The following RANBP2 variants were observed in gnomAD, a reference collection of about 807,000 sequenced individuals.
RANBP2 encodes the protein RAN binding protein 2, also known as E3 SUMO-protein ligase RanBP2.
RANBP2 carries 57 observed loss-of-function variants against 303.6 expected under a neutral mutation model. The observed-to-expected ratio is 0.19, with a 90% CI of 0.15 to 0.23. The LOEUF is 0.23. Among genes scored for constraint, RANBP2 ranks in the 10% least tolerant of loss-of-function variants. The probability of loss-of-function intolerance (pLI) is 1.00; values close to 1 mark genes in which losing one functional copy is unlikely to be tolerated. For missense variants in RANBP2, 3,138 were observed against 3,780.8 expected (o/e 0.83, Z 4.46); for synonymous variants, 1,167 against 1,301.5 (o/e 0.90, Z 2.23).
At chr2:109,031,936 C>CT in the RANBP2 span, among the ~76,000 whole-genome samples, 1 of 139,766 alleles carries the variant, frequency 7.2e-6, no homozygotes. Context: ...CGTTCACTCT[C>CT]TTTGACCTTT....
At chr2:108,848,971 T>A in the RANBP2 span, among the ~76,000 whole-genome samples, 21 of 152,254 alleles carry the variant, frequency 1.4e-4, no homozygotes, top group African/African-American at 4.8e-4. Flanking sequence ...TATAACTATA[T>A]CCCTGTGTTC....
the RANBP2 span, among the ~76,000 whole-genome samples, chr2:109,587,783 C>T: frequency 2.0e-5 from 3 of 151,772 alleles, no homozygotes; most frequent in Non-Finnish European, 4.4e-5. Context: ...TGTGGTGGCA[C>T]GCACCTGTAG....
At chr2:109,040,030 G>C in the RANBP2 span, among the ~76,000 whole-genome samples, 1 of 152,142 alleles carries the variant, frequency 6.6e-6, no homozygotes. Context: ...TCCTAACCCA[G>C]AAACATAAAG....
At chr2:108,926,271 T>G in the RANBP2 span, among the ~76,000 whole-genome samples, 4 of 152,196 alleles carry the variant, frequency 2.6e-5, no homozygotes, top group Admixed American at 2.0e-4. Context: ...AATTTGCTAC[T>G]TTTTGATCCA....
the RANBP2 span, among the ~76,000 whole-genome samples, chr2:108,865,944 T>C: frequency 1.3e-5 from 2 of 152,102 alleles, no homozygotes; most frequent in South Asian, 2.1e-4. Context: ...TAGAAAACTT[T>C]GGACATTAGA....
the RANBP2 span, among the ~76,000 whole-genome samples, chr2:108,992,150 T>A: frequency 6.6e-6 from 1 of 152,154 alleles, no homozygotes; most frequent in East Asian, 1.9e-4. Context: ...AGAAAGAAAA[T>A]CCTTGATACC....
chr2:109,344,255 G>T, the RANBP2 span, among the ~76,000 whole-genome samples: 1 of 152,220 alleles, frequency 6.6e-6, no homozygotes, highest in African/African-American at 2.4e-5. Flanking sequence ...GTGGCCGATG[G>T]AGTTAGGATG....
At chr2:109,520,608 AAAAAAAAAAAAAAAAAG>A in the RANBP2 span, among the ~76,000 whole-genome samples, 2 of 134,334 alleles carry the variant, frequency 1.5e-5, no homozygotes, top group East Asian at 4.2e-4. Context: ...CAAAAAAAAA[AAAAAAAAAAAAAAAAAG>A]AAAAAAAAGA....
downstream of RANBP2, chr2:108,786,682 T>TCGCCCCGCCCCGCCCCGCCCCGCCC: frequency 1.4e-5 from 10 of 731,784 alleles, no homozygotes; most frequent in African/African-American, 5.5e-5. Flanking sequence ...AGTCTCCGGG[T>TCGCCCCGCCCCGCCCCGCCCCGCCC]CGCCCCGCCC....
the RANBP2 span, among the ~76,000 whole-genome samples, chr2:109,686,681 A>G: frequency 6.6e-6 from 1 of 152,048 alleles, no homozygotes; most frequent in African/African-American, 2.4e-5. Flanking sequence ...ACATGATCTC[A>G]GCTCACAGTA....
chr2:109,163,634 C>T, the RANBP2 span, among the ~76,000 whole-genome samples: 1 of 151,712 alleles, frequency 6.6e-6, no homozygotes, highest in Non-Finnish European at 1.5e-5. Flanking sequence ...CTCCTGACCT[C>T]GTGATCCGCC....
chr2:109,352,162 C>A, the RANBP2 span, among the ~76,000 whole-genome samples: 1 of 152,128 alleles, frequency 6.6e-6, no homozygotes, highest in Non-Finnish European at 1.5e-5. Context: ...CATTTTAAAA[C>A]CCAAGCTCAA....
At chr2:109,294,907 G>A in the RANBP2 span, among the ~76,000 whole-genome samples, 2 of 152,256 alleles carry the variant, frequency 1.3e-5, no homozygotes, top group Non-Finnish European at 2.9e-5. Context: ...GAGAAGCAGG[G>A]AGGGAAGGAA....
the RANBP2 span, among the ~76,000 whole-genome samples, chr2:109,483,578 C>T: frequency 6.6e-6 from 1 of 152,220 alleles, no homozygotes; most frequent in Non-Finnish European, 1.5e-5. Context: ...CTTTGACTTC[C>T]TATCTGCTGT....
chr2:109,342,587 A>T, the RANBP2 span, among the ~76,000 whole-genome samples: 112 of 152,290 alleles, frequency 7.4e-4, 2 homozygotes, highest in Non-Finnish European at 1.2e-3. Flanking sequence ...GCTTGCTGGG[A>T]GGTCTGGAAT....
At chr2:109,348,067 C>T in the RANBP2 span, 45 of 1,352,732 alleles carry the variant, frequency 3.3e-5, no homozygotes, top group Admixed American at 7.4e-5. Context: ...AATCCTGGCT[C>T]CTCCCGGAAC....
chr2:109,630,617 C>T, the RANBP2 span, among the ~76,000 whole-genome samples: 55 of 152,136 alleles, frequency 3.6e-4, no homozygotes, highest in Non-Finnish European at 7.1e-4. Context: ...TCTCTAGGAC[C>T]GATGAGCATA....
chr2:109,623,621 C>G, the RANBP2 span, among the ~76,000 whole-genome samples: 1 of 152,234 alleles, frequency 6.6e-6, no homozygotes, highest in Non-Finnish European at 1.5e-5. Flanking sequence ...TGCCTAAAAG[C>G]TATCCCACTC....
chr2:109,078,278 A>AGCGCG, the RANBP2 span, among the ~76,000 whole-genome samples: 1 of 107,754 alleles, frequency 9.3e-6, no homozygotes, highest in East Asian at 2.7e-4. Context: ...GTATATATAT[A>AGCGCG]TATATATATA....
Sources: allele counts gnomAD v4.1 joint callset (sites outside exome capture counted in the v4.1 genomes callset), GRCh38; gene constraint gnomAD v4.1.1; transcripts MANE v1.5; gene names NCBI Gene and HGNC (gene_info 2026-07-23, HGNC 2026-07-21).